The following GAP43 variants were observed in gnomAD, a reference collection of about 807,000 sequenced individuals.
The protein encoded by GAP43 is growth associated protein 43, also known as neuromodulin.
GAP43 carries 6 observed loss-of-function variants against 18.6 expected under a neutral mutation model. The observed-to-expected ratio is 0.32, with a 90% CI of 0.18 to 0.64. The LOEUF (loss-of-function observed/expected upper bound fraction) is 0.64, where lower values mean the gene tolerates loss of function less well. GAP43 is among the 30% of genes least tolerant of loss of function. The pLI, the probability that GAP43 is intolerant of heterozygous loss-of-function variation, is 0.78. For missense variants in GAP43, 292 were observed against 295.5 expected, an observed-to-expected ratio of 0.99 and a Z score of 0.09; for synonymous variants, 115 against 111.4, an observed-to-expected ratio of 1.03 and a Z score of -0.20.
chr3:115,623,823 G>A, intron 1 of GAP43, 104 bp downstream of exon 1: 1 of 1,183,394 alleles, frequency 8.5e-7, no homozygotes, highest in Non-Finnish European at 1.3e-6. Context: ...TCTGGCCGTG[G>A]TGCTCGCGCT....
chr3:115,657,126 G>A (rs1196384926), intron 1 of GAP43, among the ~76,000 whole-genome samples: 1 of 152,150 alleles, frequency 6.6e-6, no homozygotes, highest in Non-Finnish European at 1.5e-5. Context: ...TGGATAAAAT[G>A]ATTTCTTATG....
intron 2 of GAP43, among the ~76,000 whole-genome samples, chr3:115,698,060 T>C (rs1709224740): frequency 1.6e-5 from 1 of 61,028 alleles, no homozygotes; most frequent in Non-Finnish European, 2.7e-5. Context: ...TTATATAAAA[T>C]ATATATTATA....
At chr3:115,661,263 C>CT (rs1230569137) in intron 1 of GAP43, 1 of 152,308 alleles carries the variant, frequency 6.6e-6, no homozygotes, top group Non-Finnish European at 1.5e-5. Context: ...GTTTTCTGTG[C>CT]TTTTTTTCAC....
intron 2 of GAP43, among the ~76,000 whole-genome samples, chr3:115,714,948 G>T (rs1709486150): frequency 6.6e-6 from 1 of 151,978 alleles, no homozygotes; most frequent in Admixed American, 6.6e-5. Flanking sequence ...AAACTAGGTG[G>T]CTTATAAACA....
At chr3:115,712,033 C>T (rs2196728) in intron 2 of GAP43, among the ~76,000 whole-genome samples, 83,123 of 151,922 alleles carry the variant, frequency 0.55, 23,468 homozygotes, top group East Asian at 0.73. Context: ...GAAGAGAGAA[C>T]ACTAATTTTT....
At chr3:115,625,577 G>A (rs1708177549) in intron 1 of GAP43, among the ~76,000 whole-genome samples, 1 of 152,040 alleles carries the variant, frequency 6.6e-6, no homozygotes, top group Admixed American at 6.5e-5. Context: ...AAAATATTCA[G>A]GTTCATAATT....
chr3:115,659,618 TAGAG>T (rs10560003), intron 1 of GAP43, among the ~76,000 whole-genome samples: 23,073 of 151,732 alleles, frequency 0.15, 2,167 homozygotes, highest in South Asian at 0.24. Context: ...AATAAAATAT[TAGAG>T]AGAGAGAAAA....
intron 2 of GAP43, among the ~76,000 whole-genome samples, chr3:115,690,798 C>G (rs541477786): frequency 6.8e-6 from 1 of 147,644 alleles, no homozygotes. Flanking sequence ...CTCTGTCGCC[C>G]AGGCTGGAGT....
At chr3:115,633,885 A>G (rs1708295644) in intron 1 of GAP43, among the ~76,000 whole-genome samples, 1 of 152,198 alleles carries the variant, frequency 6.6e-6, no homozygotes, top group Non-Finnish European at 1.5e-5. Context: ...AAACAGCTCA[A>G]TTGGATTTAT....
intron 1 of GAP43, among the ~76,000 whole-genome samples, chr3:115,637,219 G>A (rs1001053428): frequency 6.6e-6 from 1 of 151,936 alleles, no homozygotes; most frequent in Non-Finnish European, 1.5e-5. Context: ...ATCCATTTGC[G>A]TTTTTATGTA....
chr3:115,660,682 G>T (rs181657094), intron 1 of GAP43, among the ~76,000 whole-genome samples: 33 of 152,344 alleles, frequency 2.2e-4, no homozygotes, highest in African/African-American at 7.9e-4. Flanking sequence ...TCTGAGTGTT[G>T]TGGGCCAGTA....
intron 2 of GAP43, among the ~76,000 whole-genome samples, chr3:115,683,067 T>C (rs1708975773): frequency 6.6e-6 from 1 of 151,966 alleles, no homozygotes; most frequent in African/African-American, 2.4e-5. Context: ...ATATAGACTA[T>C]TATTCAGATA....
At chr3:115,686,808 C>G (rs1709039491) in intron 2 of GAP43, among the ~76,000 whole-genome samples, 1 of 152,118 alleles carries the variant, frequency 6.6e-6, no homozygotes, top group East Asian at 1.9e-4. Flanking sequence ...TTTCAGGGTT[C>G]AGATTGATTT....
intron 1 of GAP43, among the ~76,000 whole-genome samples, chr3:115,670,442 T>G (rs1045408643): frequency 1.3e-5 from 2 of 152,172 alleles, no homozygotes; most frequent in Non-Finnish European, 2.9e-5. Flanking sequence ...TCCTTACACC[T>G]GCACCGAAAC....
chr3:115,701,075 T>A (rs1376599554), intron 2 of GAP43, among the ~76,000 whole-genome samples: 1 of 152,116 alleles, frequency 6.6e-6, no homozygotes, highest in South Asian at 2.1e-4. Flanking sequence ...TGTCAGATAA[T>A]TTGTTGGGGC....
chr3:115,626,777 C>T (rs1038817584), intron 1 of GAP43, among the ~76,000 whole-genome samples: 2 of 152,108 alleles, frequency 1.3e-5, no homozygotes, highest in Non-Finnish European at 2.9e-5. Context: ...CCATCCATGC[C>T]AATATCTGCT....
chr3:115,636,207 A>G (rs926485322), intron 1 of GAP43, among the ~76,000 whole-genome samples: 1 of 152,080 alleles, frequency 6.6e-6, no homozygotes, highest in African/African-American at 2.4e-5. Flanking sequence ...TGAACTAACT[A>G]TCTTCTTTGC....
chr3:115,663,526 A>C, intron 1 of GAP43: 1 of 1,242,736 alleles, frequency 8.0e-7, no homozygotes, highest in Non-Finnish European at 1.0e-6. Flanking sequence ...TTCAGAATTA[A>C]AAGGGAACCT....
At chr3:115,666,131 TG>T (rs1225275050) in intron 1 of GAP43, among the ~76,000 whole-genome samples, 1 of 151,874 alleles carries the variant, frequency 6.6e-6, no homozygotes, top group Non-Finnish European at 1.5e-5. Flanking sequence ...GGTGAAGTTT[TG>T]GGGGGTGGGT....
Sources: gnomAD v4.1 joint callset for allele counts (sites outside exome capture counted in the v4.1 genomes callset) on GRCh38, gnomAD v4.1.1 for gene constraint, MANE v1.5 for transcripts, NCBI Gene and HGNC (gene_info 2026-07-23, HGNC 2026-07-21) for gene names.